Variants in CFAP161 observed in about 807,000 individuals in gnomAD.
The protein encoded by CFAP161 is cilia- and flagella-associated protein 161.
CFAP161 carries 25 observed loss-of-function variants against 29.0 expected under a neutral mutation model. The observed-to-expected ratio is 0.86, with a 90% CI of 0.63 to 1.20. The LOEUF (loss-of-function observed/expected upper bound fraction) is 1.20. CFAP161 is among the 50% of genes most tolerant of loss of function. The pLI is 0.00. For missense variants in CFAP161, 367 were observed against 371.9 expected (o/e 0.99, Z 0.11); for synonymous variants, 116 against 137.4 (o/e 0.84, Z 1.09).
Position 81,143,799 on chromosome 15 carries a change from A to C in CFAP161, c.615A>C (p.Glu205Asp). 6.2e-7 allele frequency: 1 copy of C among 1,614,140 alleles called. No homozygotes were observed. ...AAFPDPQLRL[E>D]YEGFPVPANA... ...TCCCTGACCCCCAGTTACGCCTGGA[A>C]TATGAAGGCTTCCCCGTCCCGGTGA... The change falls in exon 5 of 7, where the codon GAA (glutamate) becomes GAC (aspartate). Residue 205 changes from glutamate (E) to aspartate (D), a missense_variant. Glu to Asp is a conservative substitution (Grantham distance 45). Coordinates refer to ENST00000286732, the MANE Select transcript of CFAP161 (RefSeq NM_173528.4).
In CFAP161 at chr15:81,112,516, G is replaced by T. The variant is rs1894450898; in HGVS notation, c.-141-15074G>T. On this transcript the variant is annotated intron_variant, in intron 1 of 4. Transcript: ENST00000560091. Reference sequence around the variant, plus strand: ...AACATAATTTTGAGATTACATATAGGTATAATAAAACTATATAAAAAGAAA... The same window carrying T: ...AACATAATTTTGAGATTACATATAGTTATAATAAAACTATATAAAAAGAAA... Among the ~76,000 whole-genome samples the T allele has an allele frequency of 2.0e-5, 3 of 152,060 alleles. No homozygotes were observed. The South Asian group carries it at 6.2e-4, about 32-fold the overall frequency.
In CFAP161 at chr15:81,148,506, G is replaced by A. The variant is rs199517516; in HGVS notation, c.879G>A (p.Glu293=). ...CCACAGAGGACACTCGAGCCATGGA[G>A]CAGGCCATGGGCCTTGACACGCAGT... ...KPPTEDTRAM[E]QAMGLDTQ Residue 293 remains glutamate, a synonymous_variant, in exon 7 of 7, where the codon GAG becomes GAA. Transcript: ENST00000286732. 2,591 of 1,614,160 alleles carry A rather than the reference G, an allele frequency of 1.6e-3. 8 individuals carry two copies. Among genetic ancestry groups the A allele is most frequent in the Non-Finnish European group, 1.6e-3 (1,896 of 1,179,988 alleles).
At chr15:81,143,594 A>G in intron 4 of CFAP161, 68 bp from the exon 5 acceptor site, 2 of 1,519,446 alleles carry the variant, frequency 1.3e-6, no homozygotes, top group Non-Finnish European at 1.8e-6. Flanking sequence ...CAGCCAGTCA[A>G]TTGCTTCTTT....
At chr15:81,113,935 G>C (rs898083659) in intron 1 of CFAP161, among the ~76,000 whole-genome samples, 2 of 152,196 alleles carry the variant, frequency 1.3e-5, no homozygotes, top group Non-Finnish European at 2.9e-5. Context: ...AATTCAGTGT[G>C]ATCAAAAGGA....
intron 5 of CFAP161, among the ~76,000 whole-genome samples, chr15:81,145,533 G>T (rs925388217): frequency 3.3e-5 from 5 of 152,234 alleles, no homozygotes; most frequent in African/African-American, 9.6e-5. Flanking sequence ...ATTGTTGCTG[G>T]TTTTTTTAAG....
At chr15:81,133,670 T>C (rs1416402247), upstream of CFAP161, among the ~76,000 whole-genome samples, 6 of 152,160 alleles carry the variant, frequency 3.9e-5, no homozygotes, top group East Asian at 1.2e-3. Flanking sequence ...TCCTTTAACT[T>C]TGAGACCCAG....
intron 1 of CFAP161, 54 bp downstream of exon 1, chr15:81,134,452 G>A: frequency 6.5e-7 from 1 of 1,538,078 alleles, no homozygotes. Context: ...CCCAGACCCT[G>A]CTCTAAGTTC....
At chr15:81,147,008 G>T (rs1895020131) in intron 5 of CFAP161, among the ~76,000 whole-genome samples, 1 of 151,332 alleles carries the variant, frequency 6.6e-6, no homozygotes, top group South Asian at 2.1e-4. Flanking sequence ...TATCTTCACA[G>T]TGTGGGACAA....
At position 81,137,091 on chromosome 15, in the gene CFAP161, C is replaced by T. The variant is rs900628601; in HGVS notation, c.392+343C>T. The stretch of plus-strand genomic sequence containing the variant: ...TTGAGTGTTTTCATTGTTCTTAATA[C>T]GGCTATTTTTTTTTTTACAATAAAA... On this transcript the variant is annotated intron_variant, in intron 3 of 6. Transcript: ENST00000286732. 1.0e-3 allele frequency among the ~76,000 whole-genome samples: 109 copies of T among 107,896 alleles called. 1 individual carries two copies. Among genetic ancestry groups the T allele is most frequent in the African/African-American group, 8.8e-4 (27 of 30,706 alleles). The allele number at this position is 107,896 out of a possible 152,430, so 70.8% of individuals were successfully genotyped here.
chr15:81,119,601 AG>A (rs1894544862), intron 1 of CFAP161, among the ~76,000 whole-genome samples: 1 of 152,318 alleles, frequency 6.6e-6, no homozygotes, highest in South Asian at 2.1e-4. Context: ...AATTTACCTA[AG>A]TCTAATCATT....
chr15:81,118,044 G>C lies in CFAP161; in HGVS notation c.-141-9546G>C, dbSNP rs1368801937. ...TAACCTCACAGTTAAAGAGGTCCAG[G>C]CTTTTTAGACATTCCAACTTTTTCA... On this transcript the variant is annotated intron_variant, in intron 1 of 4. Coordinates refer to the CFAP161 transcript ENST00000560091. 8 of 506,484 alleles carry C rather than the reference G, an allele frequency of 1.6e-5. No individual in the cohort carries two copies. In the Admixed American group the frequency reaches 2.0e-4, roughly 13 times the overall value. 31.4% of individuals were successfully genotyped at this position (506,484 alleles called of 1,614,324 possible).
chr15:81,142,389 C>A (rs1894926198), intron 4 of CFAP161, among the ~76,000 whole-genome samples: 1 of 152,062 alleles, frequency 6.6e-6, no homozygotes, highest in East Asian at 1.9e-4. Context: ...AGTGGCTCCC[C>A]ATTGCCCTTT....
At chr15:81,112,066 T>G (rs1894445213) in intron 1 of CFAP161, among the ~76,000 whole-genome samples, 1 of 152,218 alleles carries the variant, frequency 6.6e-6, no homozygotes, top group Non-Finnish European at 1.5e-5. Flanking sequence ...ATTAACATAT[T>G]GCAGATTATT....
At chr15:81,143,424 G>A (rs1336362354) in intron 4 of CFAP161, among the ~76,000 whole-genome samples, 2 of 152,194 alleles carry the variant, frequency 1.3e-5, no homozygotes, top group East Asian at 1.9e-4. Flanking sequence ...GGTATTCAGA[G>A]GAAGGAAAAG....
upstream of CFAP161, among the ~76,000 whole-genome samples, chr15:81,131,178 A>G (rs946770141): frequency 6.6e-6 from 1 of 151,980 alleles, no homozygotes; most frequent in Non-Finnish European, 1.5e-5. Context: ...GCAAAGTGCA[A>G]TAAAGTGAAT....
At chr15:81,120,540 G>A (rs2663928) in intron 1 of CFAP161, among the ~76,000 whole-genome samples, 86,994 of 151,964 alleles carry the variant, frequency 0.57, 26,145 homozygotes, top group Non-Finnish European at 0.68. Flanking sequence ...CACTGAGGTC[G>A]GAGGATCACT....
chr15:81,137,414 T>TC (rs1185435589), intron 3 of CFAP161, among the ~76,000 whole-genome samples: 1 of 151,738 alleles, frequency 6.6e-6, no homozygotes, highest in Non-Finnish European at 1.5e-5. Flanking sequence ...GGCCAACATG[T>TC]CGAAACCCCA....
At chr15:81,136,425 G>C (rs1002413168) in intron 2 of CFAP161, 91 bp from the exon 3 acceptor site, 6 of 1,083,334 alleles carry the variant, frequency 5.5e-6, no homozygotes, top group Non-Finnish European at 8.3e-6. Flanking sequence ...TGAATGAAAT[G>C]GGTACTAGTC....
intron 4 of CFAP161, 30 bp from the exon 5 acceptor site, chr15:81,143,632 C>G (rs1456500138): frequency 6.3e-7 from 1 of 1,599,412 alleles, no homozygotes; most frequent in South Asian, 1.1e-5. Context: ...AGAGCTCTGA[C>G]TTAGTGCATC....
Sources: allele counts gnomAD v4.1 joint callset (sites outside exome capture counted in the v4.1 genomes callset), GRCh38; gene constraint gnomAD v4.1.1; transcripts MANE v1.5; gene names NCBI Gene and HGNC (gene_info 2026-07-23, HGNC 2026-07-21).